NUP210: variants seen among roughly 807,000 people sequenced by gnomAD.
The protein encoded by NUP210 is nuclear pore membrane glycoprotein 210.
A neutral mutation model predicts 196.0 loss-of-function variants in NUP210; 151 were observed. The ratio of observed to expected loss-of-function variants is 0.77; its 90% CI spans 0.67 to 0.88. The LOEUF (loss-of-function observed/expected upper bound fraction) is 0.88. Ranked by LOEUF, NUP210 falls within the 40% of genes least tolerant of loss-of-function variation. The pLI is 0.00. For synonymous variants in NUP210, 1,070 were observed against 1,052.7 expected (o/e 1.02, Z -0.32); for missense variants, 2,314 against 2,493.7 (o/e 0.93, Z 1.53).
intron 14 of NUP210, among the ~76,000 whole-genome samples, chr3:13,365,142 T>C (rs977103961): frequency 3.3e-5 from 5 of 152,232 alleles, no homozygotes; most frequent in Non-Finnish European, 5.9e-5. Flanking sequence ...GCCTCCTGCA[T>C]GGCAGCCCTC....
chr3:13,347,104 C>T lies in NUP210; in HGVS notation c.2836-3801G>A. The stretch of plus-strand genomic sequence containing the variant: ...CATGTCCTCACCTGAACAATGGCCC[C>T]ATGACGGGCTGCGCCTCACAGGACC... On this transcript the variant is annotated intron_variant, in intron 20 of 39. Transcript: ENST00000254508. The surrounding 1 kb of genome is among the most constrained non-coding windows in gnomAD (Gnocchi z 4.7). 1 of 985,432 alleles carries T rather than the reference C, an allele frequency of 1.0e-6. No individual in the cohort carries two copies. The highest frequency in any genetic ancestry group is 1.2e-6 in the Non-Finnish European group (1 of 829,930). The allele number at this position is 985,432 out of a possible 1,614,324, so 61.0% of individuals were successfully genotyped here. A position where few individuals can be genotyped will look rare whatever the true frequency, so the allele number is the denominator to read the frequency against.
Position 13,371,917 on chromosome 3 carries a change from C to A in NUP210, c.1703G>T (p.Ser568Ile). 1 of 1,609,130 alleles carries A rather than the reference C, an allele frequency of 6.2e-7. No individual in the cohort carries two copies. The highest frequency in any genetic ancestry group is 8.5e-7 in the Non-Finnish European group (1 of 1,178,008). Residue 568 changes from serine (S) to isoleucine (I), a missense_variant, in exon 13 of 40, where the codon AGT (serine) becomes ATT (isoleucine). Coordinates refer to ENST00000254508, the MANE Select transcript of NUP210 (RefSeq NM_024923.4). The part of the protein sequence containing the change: ...RISGLMPGGA[S>I]EVVTLSDCSH... ...GCAGTCGCTCAAGGTGACCACCTCA[C>A]TGGCCCCGCCGGGCATGAGGCCACT...
intron 39 of NUP210, among the ~76,000 whole-genome samples, chr3:13,318,830 T>A (rs1696382733): frequency 2.0e-5 from 3 of 152,240 alleles, no homozygotes; most frequent in African/African-American, 7.2e-5. Flanking sequence ...TAGACAGAGC[T>A]CCTTGCTGCC....
chr3:13,404,113 C>T (rs1001824214), intron 1 of NUP210, among the ~76,000 whole-genome samples: 6 of 152,212 alleles, frequency 3.9e-5, no homozygotes, highest in African/African-American at 9.6e-5. Context: ...ACTTCCTTCC[C>T]GGGCATTTTG....
intron 1 of NUP210, among the ~76,000 whole-genome samples, chr3:13,419,132 G>A (rs1700448038): frequency 1.3e-5 from 2 of 152,140 alleles, no homozygotes; most frequent in South Asian, 2.1e-4. Flanking sequence ...GTCACACCCC[G>A]TTCTGCCTCA....
intron 2 of NUP210, 83 bp downstream of exon 2, chr3:13,399,642 T>C: frequency 6.3e-7 from 1 of 1,581,176 alleles, no homozygotes; most frequent in Non-Finnish European, 8.6e-7. Flanking sequence ...TGGGCTCAGG[T>C]AGCCTCTAGG....
At chr3:13,356,420 G>A (rs1001847134) in intron 16 of NUP210, among the ~76,000 whole-genome samples, 5 of 152,146 alleles carry the variant, frequency 3.3e-5, no homozygotes, top group Middle Eastern at 3.2e-3. Context: ...CGAGGTGGGC[G>A]GATCACGAGG....
At position 13,343,181 on chromosome 3, in the gene NUP210, A is replaced by G; in HGVS notation, c.2958T>C (p.Val986=). The change falls in exon 21 of 40, where the codon GTT becomes GTC. Residue 986 remains valine (V), a synonymous_variant. Coordinates refer to ENST00000254508, the MANE Select transcript of NUP210 (RefSeq NM_024923.4). ...SDIQELYIRV[V]DKVEIGKTVK... ...TCATGAAGCTTCCACTGACCTTGTC[A>G]ACCACACGGATGTACAGCTCCTGAA... 1 of 1,614,174 alleles carries G rather than the reference A, an allele frequency of 6.2e-7. No homozygotes were observed. Among genetic ancestry groups the G allele is most frequent in the Non-Finnish European group, 8.5e-7 (1 of 1,180,012 alleles).
Position 13,340,039 on chromosome 3 carries a change from C to T in NUP210, c.3292-6G>A, listed in dbSNP as rs2271508. On this transcript the variant is annotated splice_region_variant and splice_polypyrimidine_tract_variant and intron_variant, in intron 24 of 39. Coordinates refer to ENST00000254508, the MANE Select transcript of NUP210 (RefSeq NM_024923.4). The surrounding 1 kb of genome is among the most constrained non-coding windows in gnomAD (Gnocchi z 4.0). ...GGGCCGCCCTCGGAGGTGACCTGAGCGGGGAGGAAACAGCGGCGTGTCAGT... is the reference window on the plus strand; with the variant it reads ...GGGCCGCCCTCGGAGGTGACCTGAGTGGGGAGGAAACAGCGGCGTGTCAGT... 61,819 of 1,612,626 alleles carry T rather than the reference C, an allele frequency of 0.038. 3,791 individuals are homozygous for T. The highest frequency in any genetic ancestry group is 0.29 in the East Asian group (13,071 of 44,830).
At chr3:13,412,803 C>T (rs1300709985) in intron 1 of NUP210, among the ~76,000 whole-genome samples, 3 of 151,354 alleles carry the variant, frequency 2.0e-5, no homozygotes, top group Non-Finnish European at 4.4e-5. Flanking sequence ...AACCCCGTCT[C>T]TACTAAAAAT....
Position 13,319,806 on chromosome 3 carries a change from T to C in NUP210, c.5340A>G (p.Pro1780=). 6.2e-7 allele frequency: 1 copy of C among 1,614,130 alleles called. No homozygotes were observed. The highest frequency in any genetic ancestry group is 8.5e-7 in the Non-Finnish European group (1 of 1,180,008). ...SPVTNQAIAI[P]VTVAFVVDRR... ...GATCCACCACAAAAGCCACTGTCAC[T>C]GGGATGGCAATGGCTTGGTTGGTCA... is the stretch of plus-strand genomic sequence containing the variant. The change falls in exon 37 of 40, where the codon CCA becomes CCG. Residue 1780 remains proline, a synonymous_variant. Transcript: ENST00000254508.
intron 1 of NUP210, among the ~76,000 whole-genome samples, chr3:13,419,611 T>C (rs6762687): frequency 0.65 from 98,703 of 152,132 alleles, 33,453 homozygotes; most frequent in African/African-American, 0.85. Context: ...TGCGCTTCGT[T>C]TCACAGACTC....
chr3:13,352,974 A>T (rs1020445639), intron 18 of NUP210, among the ~76,000 whole-genome samples: 3 of 151,986 alleles, frequency 2.0e-5, no homozygotes, highest in Non-Finnish European at 4.4e-5. Context: ...CATGGGGATA[A>T]CATGTCAGGG....
Position 13,321,702 on chromosome 3 carries a change from G to C in NUP210, c.5049C>G (p.Ala1683=). The C allele has an allele frequency of 6.2e-7, 1 of 1,614,110 alleles. No individual in the cohort carries two copies. Among genetic ancestry groups the C allele is most frequent in the Non-Finnish European group, 8.5e-7 (1 of 1,180,036 alleles). Residue 1683 remains alanine, a synonymous_variant, in exon 36 of 40, where the codon GCC becomes GCG. Transcript: ENST00000254508. ...SSHFSTEQVG[A]EVPFSPGLFA... is the part of the protein sequence containing the mutation. Reference sequence around the variant, plus strand: ...AGAGACCTGGGCTGAAGGGCACCTCGGCCCCCACCTGCTCTGTGGAGAAGT... The same window carrying C: ...AGAGACCTGGGCTGAAGGGCACCTCCGCCCCCACCTGCTCTGTGGAGAAGT...
At position 13,340,879 on chromosome 3, in the gene NUP210, C is replaced by T. The variant is rs1697455529; in HGVS notation, c.3229-581G>A. On this transcript the variant is annotated intron_variant, in intron 23 of 39. Coordinates refer to ENST00000254508, the MANE Select transcript of NUP210 (RefSeq NM_024923.4). The surrounding 1 kb of genome is among the most constrained non-coding windows in gnomAD (Gnocchi z 4.0). ...GCTCCTCCTGAAACCCCTACAAGAGCCTGCCTGGCAAGAGTAGGTGAGTGG... is the reference window on the plus strand; with the variant it reads ...GCTCCTCCTGAAACCCCTACAAGAGTCTGCCTGGCAAGAGTAGGTGAGTGG... Among the ~76,000 whole-genome samples the T allele has an allele frequency of 1.3e-5, 2 of 152,136 alleles. No homozygotes were observed.
At chr3:13,318,498 G>A (rs75054500) in intron 39 of NUP210, among the ~76,000 whole-genome samples, 2 of 152,150 alleles carry the variant, frequency 1.3e-5, no homozygotes, top group African/African-American at 4.8e-5. Flanking sequence ...TTGTGTAGGG[G>A]AGAGAACCCT....
At chr3:13,369,354 T>C (rs1191983452) in intron 13 of NUP210, among the ~76,000 whole-genome samples, 2 of 152,238 alleles carry the variant, frequency 1.3e-5, no homozygotes, top group Non-Finnish European at 2.9e-5. Context: ...GCAGATGTTT[T>C]CTCCCATTCT....
chr3:13,350,252 CTG>C lies in NUP210; in HGVS notation c.2835+1625_2835+1626del, dbSNP rs1211473605. On this transcript the variant is annotated intron_variant, in intron 20 of 39. Coordinates refer to ENST00000254508, the MANE Select transcript of NUP210 (RefSeq NM_024923.4). This position sits in a 1 kb window ranked among gnomAD's most constrained non-coding sequence, Gnocchi z 4.1. ...TGTGTGTTCAGCAAAATAACACAGC[CTG>C]TGTGTTTGTGTGTGTGTGCGCGTGT... Among the ~76,000 whole-genome samples the C allele has an allele frequency of 6.9e-6, 1 of 144,492 alleles. No homozygotes were observed. Among genetic ancestry groups the C allele is most frequent in the Non-Finnish European group, 1.5e-5 (1 of 66,766 alleles). The allele number at this position is 144,492 out of a possible 152,430, so 94.8% of individuals were successfully genotyped here.
intron 37 of NUP210, 105 bp downstream of exon 37, chr3:13,319,658 A>ACTC: frequency 1.1e-6 from 1 of 938,522 alleles, no homozygotes; most frequent in Non-Finnish European, 1.7e-6. Context: ...TGCATTTCTG[A>ACTC]CTCCTCCATT....
Sources: gnomAD v4.1 joint callset for allele counts (sites outside exome capture counted in the v4.1 genomes callset) on GRCh38, gnomAD v4.1.1 for gene constraint, Gnocchi (gnomAD v3.1) non-coding constraint, MANE v1.5 for transcripts, NCBI Gene and HGNC (gene_info 2026-07-23, HGNC 2026-07-21) for gene names.